Variants in SBF2 observed in about 807,000 individuals in gnomAD.
SBF2 encodes the protein myotubularin-related protein 13.
Under a neutral mutation model 225.2 loss-of-function variants are expected in SBF2, and 112 were observed. That is an observed-to-expected ratio of 0.50 (90% CI 0.43 to 0.58). The LOEUF (loss-of-function observed/expected upper bound fraction) is 0.58. SBF2 is among the 20% of genes least tolerant of loss of function. The probability of loss-of-function intolerance (pLI) is 0.00; values close to 1 mark genes in which losing one functional copy is unlikely to be tolerated. For missense variants in SBF2, 1,996 were observed against 2,206.2 expected, an observed-to-expected ratio of 0.90 and a Z score of 1.91; for synonymous variants, 763 against 773.3, an observed-to-expected ratio of 0.99 and a Z score of 0.22.
At chr11:9,894,930 C>T (rs780148469) in intron 17 of SBF2, among the ~76,000 whole-genome samples, 12 of 150,806 alleles carry the variant, frequency 8.0e-5, no homozygotes, top group Non-Finnish European at 1.8e-4. Flanking sequence ...TGCAATGAGC[C>T]GAGATTGAGC....
At chr11:10,103,928 T>A (rs1590962856) in intron 2 of SBF2, among the ~76,000 whole-genome samples, 1 of 152,040 alleles carries the variant, frequency 6.6e-6, no homozygotes, top group Admixed American at 6.6e-5. Flanking sequence ...AAAAAACCTT[T>A]TAAAATTAGC....
chr11:10,121,103 C>G (rs888558564), intron 2 of SBF2, among the ~76,000 whole-genome samples: 12 of 152,156 alleles, frequency 7.9e-5, no homozygotes, highest in Non-Finnish European at 1.8e-4. Flanking sequence ...AGTATCCAAC[C>G]TAATGGGTGC....
intron 9 of SBF2, among the ~76,000 whole-genome samples, chr11:9,995,439 G>A (rs1483231993): frequency 1.3e-5 from 2 of 152,144 alleles, no homozygotes; most frequent in Non-Finnish European, 2.9e-5. Flanking sequence ...TCAAGTCACT[G>A]AATCACTACC....
intron 39 of SBF2, chr11:9,780,931 T>C (rs2133840376): frequency 6.6e-6 from 2 of 303,752 alleles, no homozygotes; most frequent in East Asian, 1.7e-4. Context: ...CCCCTTTCTT[T>C]AGTTGGAGCC....
intron 2 of SBF2, among the ~76,000 whole-genome samples, chr11:10,130,964 C>T (rs779287738): frequency 1.3e-5 from 2 of 151,830 alleles, no homozygotes; most frequent in African/African-American, 2.4e-5. Context: ...TGGTTGTTTC[C>T]AATTTTGGGC....
intron 2 of SBF2, among the ~76,000 whole-genome samples, chr11:10,068,904 T>C (rs1950738087): frequency 1.3e-5 from 2 of 152,152 alleles, no homozygotes; most frequent in African/African-American, 4.8e-5. Context: ...GCCCAAACAA[T>C]ACAGAAATTT....
At chr11:10,128,705 T>C (rs1243507568) in intron 2 of SBF2, among the ~76,000 whole-genome samples, 1 of 152,140 alleles carries the variant, frequency 6.6e-6, no homozygotes, top group Non-Finnish European at 1.5e-5. Flanking sequence ...AGACTGAAAA[T>C]GAGAAACAGT....
chr11:10,035,946 A>C (rs1949417390), intron 3 of SBF2, among the ~76,000 whole-genome samples: 1 of 152,206 alleles, frequency 6.6e-6, no homozygotes, highest in South Asian at 2.1e-4. Flanking sequence ...ATTCTACTAT[A>C]AAGACACATG....
chr11:10,288,505 C>T (rs1351367476), intron 1 of SBF2, among the ~76,000 whole-genome samples: 1 of 151,938 alleles, frequency 6.6e-6, no homozygotes, highest in Non-Finnish European at 1.5e-5. Context: ...AGCTGGTCAT[C>T]CCAACAGGTG....
Position 10,028,514 on chromosome 11 carries a change from G to C in SBF2, c.557C>G (p.Thr186Ser). Reference sequence around the variant, plus strand: ...GATAGGAAGACTATCATGTAAAGGAGTCTGGATCAACTGTCTATCTCCTGC... The same window carrying C: ...GATAGGAAGACTATCATGTAAAGGACTCTGGATCAACTGTCTATCTCCTGC... ...LGAGDRQLIQ[T>S]PLHDSLPITG... The change falls in exon 6 of 40, where the codon ACT becomes AGT. Residue 186 changes from threonine (T) to serine (S), a missense_variant. Thr to Ser is a moderately conservative substitution (Grantham distance 58). Transcript: ENST00000256190. 6.2e-7 allele frequency: 1 copy of C among 1,613,790 alleles called. No homozygotes were observed. The highest frequency in any genetic ancestry group is 8.5e-7 in the Non-Finnish European group (1 of 1,179,746).
intron 1 of SBF2, among the ~76,000 whole-genome samples, chr11:10,231,339 C>T (rs1343574949): frequency 6.6e-6 from 1 of 152,156 alleles, no homozygotes; most frequent in Middle Eastern, 3.2e-3. Flanking sequence ...AGCTGTGTTC[C>T]GTTGCTGGTG....
intron 16 of SBF2, among the ~76,000 whole-genome samples, chr11:9,937,453 TG>T (rs2134280703): frequency 6.6e-6 from 1 of 151,982 alleles, no homozygotes; most frequent in East Asian, 1.9e-4. Context: ...ACAAGCAAAA[TG>T]GGAACAGAAG....
In SBF2 at chr11:10,272,283, G is replaced by T. The variant is rs141834341; in HGVS notation, c.55+21732C>A. ...ATGGCGGCGGCGCTGGGCTCCTAGG[G>T]GCTGCAGCAATCTTGATTCTTTAGG... On this transcript the variant is annotated intron_variant, in intron 1 of 39. Coordinates refer to ENST00000256190, the MANE Select transcript of SBF2 (RefSeq NM_030962.4). 2.2e-5 allele frequency: 21 copies of T among 957,974 alleles called. 4 individuals carry two copies. The African/African-American group carries it at 4.6e-4, about 21-fold the overall frequency. 59.3% of individuals were successfully genotyped at this position (957,974 alleles called of 1,614,324 possible).
intron 2 of SBF2, among the ~76,000 whole-genome samples, chr11:10,183,716 G>A (rs1956823030): frequency 6.6e-6 from 1 of 152,144 alleles, no homozygotes; most frequent in Non-Finnish European, 1.5e-5. Context: ...AATTTATGAA[G>A]TCAGGCACAG....
chr11:10,293,780 G>A (rs1388605717), intron 1 of SBF2, among the ~76,000 whole-genome samples: 1 of 152,184 alleles, frequency 6.6e-6, no homozygotes, highest in African/African-American at 2.4e-5. Context: ...CCCAGCGGGT[G>A]CGCCCAGGGG....
chr11:10,039,063 G>C (rs905240102), intron 3 of SBF2, among the ~76,000 whole-genome samples: 1 of 151,796 alleles, frequency 6.6e-6, no homozygotes, highest in Non-Finnish European at 1.5e-5. Flanking sequence ...ATTACTGACA[G>C]TGTTACTGTA....
intron 17 of SBF2, among the ~76,000 whole-genome samples, chr11:9,889,007 TTTACTG>T (rs1360226488): frequency 6.6e-6 from 1 of 152,226 alleles, no homozygotes; most frequent in Non-Finnish European, 1.5e-5. Context: ...ACTCCCATTC[TTTACTG>T]TGTTCTGTTA....
rs1950097773 is a variant in SBF2 at position 10,052,455 on chromosome 11, G to A, written c.142-9474C>T. Among the ~76,000 whole-genome samples the A allele has an allele frequency of 2.0e-5, 3 of 152,116 alleles. No individual in the cohort carries two copies. In the South Asian group the frequency reaches 6.2e-4, roughly 31 times the overall value. ...CAGGCAATGTGGGAATCCTTTTCAGGATGTTCTTCTGTCTTTGTTTATCTC... is the reference window on the plus strand; with the variant it reads ...CAGGCAATGTGGGAATCCTTTTCAGAATGTTCTTCTGTCTTTGTTTATCTC... On this transcript the variant is annotated intron_variant, in intron 2 of 39. Coordinates refer to ENST00000256190, the MANE Select transcript of SBF2 (RefSeq NM_030962.4).
chr11:9,882,625 G>A (rs942247585), intron 17 of SBF2, among the ~76,000 whole-genome samples: 31 of 151,842 alleles, frequency 2.0e-4, no homozygotes, highest in Admixed American at 3.3e-4. Flanking sequence ...TGGCTAACAC[G>A]GTGAAACCCC....
Sources: gnomAD v4.1 joint callset for allele counts (sites outside exome capture counted in the v4.1 genomes callset) on GRCh38, gnomAD v4.1.1 for gene constraint, MANE v1.5 for transcripts, NCBI Gene and HGNC (gene_info 2026-07-23, HGNC 2026-07-21) for gene names.